CLCA2: variants seen among roughly 807,000 people sequenced by gnomAD.
CLCA2 encodes the protein chloride channel accessory 2.
CLCA2 carries 85 observed loss-of-function variants against 82.9 expected under a neutral mutation model. The observed-to-expected ratio is 1.03, with a 90% confidence interval of 0.86 to 1.23. CLCA2 has a LOEUF of 1.23. Ranked by LOEUF, CLCA2 falls within the 50% of genes most tolerant of loss-of-function variation. The probability of loss-of-function intolerance (pLI) is 0.00; values close to 1 mark genes in which losing one functional copy is unlikely to be tolerated. For synonymous variants in CLCA2, 421 were observed against 391.7 expected (o/e 1.07, Z -0.88); for missense variants, 1,089 against 1,124.8 (o/e 0.97, Z 0.45).
intron 4 of CLCA2, among the ~76,000 whole-genome samples, chr1:86,431,923 G>T (rs1327448072): frequency 6.6e-6 from 1 of 151,960 alleles, no homozygotes; most frequent in African/African-American, 2.4e-5. Context: ...GTTTGTTTTT[G>T]TTGTTTGTTT....
rs372876428 is a variant in CLCA2 at position 86,430,839 on chromosome 1, A to C, written c.476-23A>C. On this transcript the variant is annotated intron_variant, in intron 3 of 13. Coordinates refer to ENST00000370565, the MANE Select transcript of CLCA2 (RefSeq NM_006536.7). ...ATTGCTGAGATTTTAGAAGCTCAAAAGCAAAAGTTCTTTCTTCCGCAGGCC... is the reference window on the plus strand; with the variant it reads ...ATTGCTGAGATTTTAGAAGCTCAAACGCAAAAGTTCTTTCTTCCGCAGGCC... 25 of 1,597,674 alleles carry C rather than the reference A, an allele frequency of 1.6e-5. No individual in the cohort carries two copies. In the African/African-American group the frequency reaches 2.9e-4, roughly 19 times the overall value.
At chr1:86,429,912 G>A (rs10873782) in intron 3 of CLCA2, among the ~76,000 whole-genome samples, 88,728 of 151,852 alleles carry the variant, frequency 0.58, 26,128 homozygotes, top group Non-Finnish European at 0.63. Flanking sequence ...TTGAGATGCT[G>A]ATAATCTCTG....
chr1:86,427,545 CAT>C (rs1662412087), intron 2 of CLCA2, among the ~76,000 whole-genome samples: 3 of 124,658 alleles, frequency 2.4e-5, no homozygotes, highest in South Asian at 2.7e-4. Flanking sequence ...GACACACATA[CAT>C]ACACACACAC....
In CLCA2 at chr1:86,434,085, A is replaced by G. The variant is rs199607569; in HGVS notation, c.745-433A>G. Among the ~76,000 whole-genome samples, 9 of 152,294 alleles carry G rather than the reference A, an allele frequency of 5.9e-5. No homozygotes were observed. The East Asian group carries it at 1.5e-3, about 26-fold the overall frequency. On this transcript the variant is annotated intron_variant, in intron 5 of 13. Transcript: ENST00000370565. ...ATCAATATTTGAGGTAGAAAAATAT[A>G]TGTTGACTGATCAACAAATAAAGGT...
chr1:86,447,672 C>T lies in CLCA2; in HGVS notation c.1878C>T (p.Ala626=). 6.2e-7 allele frequency: 1 copy of T among 1,614,040 alleles called. No homozygotes were observed. The highest frequency in any genetic ancestry group is 1.1e-5 in the South Asian group (1 of 91,074). The change falls in exon 11 of 14, where the codon GCC becomes GCT. Residue 626 remains alanine, a synonymous_variant. Transcript: ENST00000370565. The part of the protein sequence containing the change: ...LHFPHPVMIY[A]NVKQGFYPIL... ...TTCCTCATCCTGTGATGATTTATGC[C>T]AATGTGAAACAGGGATTTTATCCCA...
At chr1:86,443,159 T>C (rs1179385729) in intron 9 of CLCA2, among the ~76,000 whole-genome samples, 2 of 152,096 alleles carry the variant, frequency 1.3e-5, no homozygotes, top group Non-Finnish European at 2.9e-5. Context: ...CCCGAGCACC[T>C]GGGATTACAG....
intron 11 of CLCA2, among the ~76,000 whole-genome samples, 155 bp from the exon 12 acceptor site, chr1:86,450,408 A>G (rs1472782619): frequency 6.6e-6 from 1 of 152,152 alleles, no homozygotes; most frequent in Non-Finnish European, 1.5e-5. Flanking sequence ...GACCCATTGG[A>G]TTTTTTATCA....
intron 13 of CLCA2, 57 bp downstream of exon 13, chr1:86,453,659 G>GCCCCTGACCTA: frequency 2.1e-6 from 3 of 1,424,630 alleles, no homozygotes; most frequent in Non-Finnish European, 2.0e-6. Flanking sequence ...CTAATAACTA[G>GCCCCTGACCTA]GTCAGGGGCT....
chr1:86,429,698 T>C (rs931789449), intron 3 of CLCA2, among the ~76,000 whole-genome samples: 1 of 152,222 alleles, frequency 6.6e-6, no homozygotes, highest in Non-Finnish European at 1.5e-5. Context: ...GTTTTTGATT[T>C]AATGTAACAG....
chr1:86,431,239 C>T (rs1662492338), intron 4 of CLCA2, among the ~76,000 whole-genome samples: 1 of 152,194 alleles, frequency 6.6e-6, no homozygotes. Flanking sequence ...ACTGTTTCCC[C>T]TCATGCCCTC....
chr1:86,445,816 A>G (rs1662841363), intron 10 of CLCA2, among the ~76,000 whole-genome samples: 1 of 152,136 alleles, frequency 6.6e-6, no homozygotes, highest in African/African-American at 2.4e-5. Flanking sequence ...AAAAAATACT[A>G]CCCTCACAGA....
intron 7 of CLCA2, among the ~76,000 whole-genome samples, chr1:86,439,371 G>A (rs11161834): frequency 0.1 from 15,816 of 152,248 alleles, 973 homozygotes; most frequent in African/African-American, 0.16. Context: ...TACAATGGAC[G>A]AGACTAGAGG....
chr1:86,442,324 T>C (rs1662752278), intron 9 of CLCA2, among the ~76,000 whole-genome samples: 1 of 152,234 alleles, frequency 6.6e-6, no homozygotes, highest in South Asian at 2.1e-4. Context: ...CAATTGGCTC[T>C]TCTGATAATG....
At chr1:86,445,629 T>C (rs1662837527) in intron 10 of CLCA2, 1 of 152,084 alleles carries the variant, frequency 6.6e-6, no homozygotes, top group Admixed American at 6.5e-5. Context: ...CCCTCTCCCA[T>C]GGTAGAATCC....
At position 86,455,311 on chromosome 1, in the gene CLCA2, C is replaced by A. The variant is rs778531353; in HGVS notation, c.2616C>A (p.Asn872Lys). 3 of 1,614,002 alleles carry A rather than the reference C, an allele frequency of 1.9e-6. No homozygotes were observed. In the Admixed American group the frequency reaches 5.0e-5, roughly 27 times the overall value. Reference protein sequence around the residue: ...IYVAIRAMDRNSLQSAVSNIA... With the variant: ...IYVAIRAMDRKSLQSAVSNIA... ...TTGCAATACGAGCAATGGATAGGAA[C>A]TCCTTACAGTCTGCTGTATCTAACA... The change falls in exon 14 of 14, where the codon AAC (asparagine) becomes AAA (lysine). Residue 872 changes from asparagine to lysine, a missense_variant. By Grantham distance (94) the Asn-to-Lys change is moderately conservative (BLOSUM62 0). Coordinates refer to ENST00000370565, the MANE Select transcript of CLCA2 (RefSeq NM_006536.7).
intron 12 of CLCA2, 24 bp from the exon 13 acceptor site, chr1:86,453,345 C>CA (rs1558121126): frequency 1.9e-6 from 3 of 1,542,706 alleles, no homozygotes; most frequent in East Asian, 4.5e-5. Flanking sequence ...GTCATTTTGC[C>CA]TTTTTTTTTC....
chr1:86,432,498 A>G lies in CLCA2; in HGVS notation c.714A>G (p.Ala238=). ...FIYNSTQNAT[A]SIMFMQSLSS... is the part of the protein sequence containing the mutation. Reference sequence around the variant, plus strand: ...ACAATAGCACCCAAAATGCAACTGCATCAATAATGTTCATGCAAAGTTTAT... The same window carrying G: ...ACAATAGCACCCAAAATGCAACTGCGTCAATAATGTTCATGCAAAGTTTAT... Residue 238 remains alanine (A), a synonymous_variant, in exon 5 of 14, where the codon GCA becomes GCG. Transcript: ENST00000370565. 1 of 1,613,990 alleles carries G rather than the reference A, an allele frequency of 6.2e-7. No individual in the cohort carries two copies. The highest frequency in any genetic ancestry group is 8.5e-7 in the Non-Finnish European group (1 of 1,179,950).
chr1:86,453,737 C>G (rs930400698), intron 13 of CLCA2, 135 bp downstream of exon 13: 49 of 781,136 alleles, frequency 6.3e-5, no homozygotes, highest in Non-Finnish European at 9.4e-5. Flanking sequence ...GCTTTAAATC[C>G]TGGAGTCCCA....
chr1:86,434,145 C>T (rs537187380), intron 5 of CLCA2, among the ~76,000 whole-genome samples: 2 of 152,050 alleles, frequency 1.3e-5, no homozygotes, highest in African/African-American at 4.8e-5. Flanking sequence ...AAGGAGTAGG[C>T]TGATCATGAT....
Sources: allele counts gnomAD v4.1 joint callset (sites outside exome capture counted in the v4.1 genomes callset), GRCh38; gene constraint gnomAD v4.1.1; transcripts MANE v1.5; gene names NCBI Gene and HGNC (gene_info 2026-07-23, HGNC 2026-07-21).